Variants in EPHA4 observed in about 807,000 individuals in gnomAD.
EPHA4 encodes EPH receptor A4, also known as ephrin type-A receptor 4.
A neutral mutation model predicts 108.3 loss-of-function variants in EPHA4; 19 were observed. The observed-to-expected ratio is 0.18, with a 90% CI of 0.12 to 0.26. EPHA4 has a LOEUF of 0.26. EPHA4 is among the 10% of genes least tolerant of loss of function. The pLI is 1.00. For missense variants in EPHA4, 917 were observed against 1,254.0 expected (o/e 0.73, Z 4.06); for synonymous variants, 449 against 455.5 (o/e 0.99, Z 0.18).
At chr2:221,471,033 G>T (rs1490278794) in intron 5 of EPHA4, among the ~76,000 whole-genome samples, 3 of 152,042 alleles carry the variant, frequency 2.0e-5, no homozygotes, top group Admixed American at 6.6e-5. Flanking sequence ...GTGCTAGATA[G>T]TTTAAATTTC....
intron 8 of EPHA4, among the ~76,000 whole-genome samples, 197 bp from the exon 9 acceptor site, chr2:221,446,378 C>T (rs1438449841): frequency 6.6e-6 from 1 of 152,030 alleles, no homozygotes; most frequent in Non-Finnish European, 1.5e-5. Flanking sequence ...CTCAAGCAGT[C>T]ACAGACACCT....
At chr2:221,550,435 G>GAGAT (rs1694123278) in intron 3 of EPHA4, among the ~76,000 whole-genome samples, 2 of 150,590 alleles carry the variant, frequency 1.3e-5, no homozygotes, top group Admixed American at 1.3e-4. Flanking sequence ...GAGAGAGAGA[G>GAGAT]AGAGAGAGAG....
chr2:221,515,651 C>T (rs141867755), intron 3 of EPHA4, among the ~76,000 whole-genome samples: 5 of 151,846 alleles, frequency 3.3e-5, no homozygotes, highest in Admixed American at 6.6e-5. Flanking sequence ...TCTGTCTCTA[C>T]GAGAAGTTTT....
chr2:221,436,365 G>C (rs1341430187), intron 13 of EPHA4, 34 bp downstream of exon 13: 8 of 1,588,868 alleles, frequency 5.0e-6, no homozygotes, highest in Non-Finnish European at 6.9e-6. Context: ...AGTTTCACCA[G>C]AGTGAAAGCC....
intron 4 of EPHA4, among the ~76,000 whole-genome samples, chr2:221,496,147 A>G (rs1207763073): frequency 2.6e-5 from 4 of 152,064 alleles, no homozygotes; most frequent in African/African-American, 9.7e-5. Context: ...GAGTGGGGAG[A>G]GTTACTCTGT....
chr2:221,490,157 A>C (rs1410289787), intron 4 of EPHA4, among the ~76,000 whole-genome samples: 33 of 151,506 alleles, frequency 2.2e-4, no homozygotes, highest in Admixed American at 1.8e-3. Context: ...AAAAAAAAAA[A>C]AAAAACCCAC....
Position 221,564,410 on chromosome 2 carries a change from G to A in EPHA4, c.160-16C>T. 1.3e-6 allele frequency: 2 copies of A among 1,594,718 alleles called. No homozygotes were observed. The highest frequency in any genetic ancestry group is 1.7e-6 in the Non-Finnish European group (2 of 1,166,204). On this transcript the variant is annotated splice_polypyrimidine_tract_variant and intron_variant, in intron 2 of 17. Transcript: ENST00000281821. ...CTTCCTCCCACTGCAAAGATCCAAA[G>A]CAGATGTATCAACTACAAAGTTTCA... is the stretch of plus-strand genomic sequence containing the variant.
chr2:221,526,482 T>TAC (rs1693325700), intron 3 of EPHA4, among the ~76,000 whole-genome samples: 1 of 151,610 alleles, frequency 6.6e-6, no homozygotes, highest in South Asian at 2.1e-4. Flanking sequence ...GAGCCTGATA[T>TAC]ACACGTCTCA....
intron 3 of EPHA4, among the ~76,000 whole-genome samples, chr2:221,528,813 T>C (rs1486190135): frequency 8.5e-5 from 13 of 152,148 alleles, no homozygotes; most frequent in Non-Finnish European, 5.9e-5. Context: ...TCCTGTGCCA[T>C]CACCAAATAG....
At chr2:221,530,383 G>T (rs1011310862) in intron 3 of EPHA4, among the ~76,000 whole-genome samples, 1 of 152,214 alleles carries the variant, frequency 6.6e-6, no homozygotes, top group Non-Finnish European at 1.5e-5. Context: ...GTCATGTTCG[G>T]CATTAACCAT....
intron 3 of EPHA4, among the ~76,000 whole-genome samples, chr2:221,529,147 T>C (rs1047863591): frequency 1.3e-5 from 2 of 152,198 alleles, no homozygotes; most frequent in Non-Finnish European, 2.9e-5. Flanking sequence ...TTTCTAAATT[T>C]TCTATAATTT....
chr2:221,430,980 T>A (rs1181916898), intron 14 of EPHA4, among the ~76,000 whole-genome samples: 2 of 152,160 alleles, frequency 1.3e-5, no homozygotes, highest in African/African-American at 4.8e-5. Flanking sequence ...TTCAACAGTC[T>A]CTTTGCTAAT....
intron 3 of EPHA4, among the ~76,000 whole-genome samples, chr2:221,536,135 T>G (rs1343363939): frequency 2.6e-5 from 4 of 152,200 alleles, no homozygotes; most frequent in Admixed American, 2.0e-4. Flanking sequence ...AAAGAGCACT[T>G]TATCTTATCA....
intron 9 of EPHA4, among the ~76,000 whole-genome samples, chr2:221,444,931 T>C (rs562895242): frequency 7.9e-5 from 12 of 151,344 alleles, no homozygotes; most frequent in Admixed American, 7.2e-4. Context: ...CTAATTTAGT[T>C]ATTTTTTGTA....
chr2:221,509,771 A>T (rs1470429072), intron 3 of EPHA4, among the ~76,000 whole-genome samples: 16 of 152,298 alleles, frequency 1.1e-4, no homozygotes, highest in African/African-American at 3.6e-4. Context: ...ACTACAAACA[A>T]ATCAAAGGTG....
chr2:221,544,257 A>C (rs1441388046), intron 3 of EPHA4, among the ~76,000 whole-genome samples: 3 of 152,252 alleles, frequency 2.0e-5, no homozygotes, highest in Non-Finnish European at 4.4e-5. Context: ...TGAACACAGA[A>C]ACCTTGATAC....
chr2:221,460,823 C>T (rs930710085), intron 5 of EPHA4, among the ~76,000 whole-genome samples: 3 of 152,156 alleles, frequency 2.0e-5, no homozygotes, highest in Non-Finnish European at 4.4e-5. Flanking sequence ...TTCCCCCTAC[C>T]GCAGTGTTTC....
intron 4 of EPHA4, among the ~76,000 whole-genome samples, chr2:221,490,436 T>C (rs1003538228): frequency 2.0e-5 from 3 of 152,142 alleles, no homozygotes; most frequent in Non-Finnish European, 2.9e-5. Flanking sequence ...GCCTGGGCTA[T>C]GAAATTCATT....
intron 3 of EPHA4, among the ~76,000 whole-genome samples, chr2:221,529,007 AC>A (rs1330774176): frequency 6.6e-6 from 1 of 152,138 alleles, no homozygotes; most frequent in Admixed American, 6.6e-5. Flanking sequence ...ACAAAAAACT[AC>A]GTATATGCCA....
Sources: allele counts gnomAD v4.1 joint callset (sites outside exome capture counted in the v4.1 genomes callset), GRCh38; gene constraint gnomAD v4.1.1; transcripts MANE v1.5; gene names NCBI Gene and HGNC (gene_info 2026-07-23, HGNC 2026-07-21).